The following PARD3 variants were observed in gnomAD, a reference collection of about 807,000 sequenced individuals.
The protein encoded by PARD3 is par-3 family cell polarity regulator.
Under a neutral mutation model 155.4 loss-of-function variants are expected in PARD3, and 75 were observed. That is an observed-to-expected ratio of 0.48 (90% CI 0.40 to 0.58). The LOEUF (loss-of-function observed/expected upper bound fraction) is 0.58. Among genes scored for constraint, PARD3 ranks in the 20% least tolerant of loss-of-function variants. The pLI, the probability that PARD3 is intolerant of heterozygous loss-of-function variation, is 0.00. For synonymous variants in PARD3, 576 were observed against 610.5 expected, an observed-to-expected ratio of 0.94 and a Z score of 0.83; for missense variants, 1,642 against 1,721.7, an observed-to-expected ratio of 0.95 and a Z score of 0.82.
chr10:34,646,702 G>C (rs1015545894), intron 2 of PARD3, among the ~76,000 whole-genome samples: 2 of 152,184 alleles, frequency 1.3e-5, no homozygotes, highest in African/African-American at 2.4e-5. Flanking sequence ...GTCTCGTTCT[G>C]TCGCCCAGGC....
Position 34,268,930 on chromosome 10 carries a change from A to C in PARD3, c.3419+727T>G, listed in dbSNP as rs1398334244. On this transcript the variant is annotated intron_variant, in intron 22 of 24. Transcript: ENST00000374788. ...TACCCTAGAACTTAAAGTATAATAA[A>C]AAATAAATAAATAAAATAAGATAAA... Among the ~76,000 whole-genome samples, 3 of 152,290 alleles carry C rather than the reference A, an allele frequency of 2.0e-5. No homozygotes were observed. The East Asian group carries it at 5.8e-4, about 29-fold the overall frequency.
rs559952400 is a variant in PARD3, at chr10:34,515,930, C to T, written c.403+1049G>A. Among the ~76,000 whole-genome samples the T allele has an allele frequency of 9.9e-5, 15 of 151,980 alleles. No homozygotes were observed. The East Asian group carries it at 2.9e-3, about 29-fold the overall frequency. The stretch of plus-strand genomic sequence containing the variant: ...ACCCAAATTTTCTACCTGAAAAAAA[C>T]TGAAGTGTTTCCAAATAGATGTACC... On this transcript the variant is annotated intron_variant, in intron 3 of 24. Transcript: ENST00000374788.
Position 34,546,240 on chromosome 10 carries a change from G to A in PARD3, c.223-29081C>T, listed in dbSNP as rs114715132. On this transcript the variant is annotated intron_variant, in intron 2 of 24. Coordinates refer to ENST00000374788, the MANE Select transcript of PARD3 (RefSeq NM_001184785.2). Reference sequence around the variant, plus strand: ...GTTAAAATGTGGCAAATTTTAGGCCGGGCACAGTGGCTCACACCTGTAATC... The same window carrying A: ...GTTAAAATGTGGCAAATTTTAGGCCAGGCACAGTGGCTCACACCTGTAATC... Among the ~76,000 whole-genome samples the A allele has an allele frequency of 3.3e-3, 499 of 151,906 alleles. 1 individual carries two copies. Among genetic ancestry groups the A allele is most frequent in the African/African-American group, 0.011 (472 of 41,438 alleles).
intron 21 of PARD3, among the ~76,000 whole-genome samples, chr10:34,273,255 C>CA (rs1032824397): frequency 7.5e-4 from 114 of 151,076 alleles, no homozygotes; most frequent in African/African-American, 6.8e-4. Flanking sequence ...TAGTTAAAAA[C>CA]AAAAAAAACA....
chr10:34,329,341 T>C (rs1159568484), intron 19 of PARD3, among the ~76,000 whole-genome samples: 2 of 152,274 alleles, frequency 1.3e-5, no homozygotes, highest in East Asian at 3.9e-4. Context: ...AGCATCATTA[T>C]AGATACTTAA....
chr10:34,217,172 G>T (rs980062291), intron 22 of PARD3, among the ~76,000 whole-genome samples: 1 of 151,886 alleles, frequency 6.6e-6, no homozygotes, highest in Admixed American at 6.6e-5. Context: ...TCAACATCTC[G>T]GTGGGAGGAT....
intron 4 of PARD3, among the ~76,000 whole-genome samples, chr10:34,456,647 A>T (rs1163948749): frequency 6.6e-6 from 1 of 152,210 alleles, no homozygotes; most frequent in Non-Finnish European, 1.5e-5. Context: ...TAAGTAAAAA[A>T]ATTTGAAAAT....
intron 2 of PARD3, among the ~76,000 whole-genome samples, chr10:34,606,348 G>A (rs1326070410): frequency 6.6e-5 from 10 of 151,812 alleles, no homozygotes; most frequent in African/African-American, 1.2e-4. Context: ...ACCCAGAGGA[G>A]GAGAAAGATG....
At chr10:34,277,857 T>G (rs1955963107) in intron 21 of PARD3, among the ~76,000 whole-genome samples, 1 of 152,184 alleles carries the variant, frequency 6.6e-6, no homozygotes, top group African/African-American at 2.4e-5. Flanking sequence ...TAAGCCTTTG[T>G]GCTTAGGGGG....
In PARD3 at chr10:34,211,511, A is replaced by G. The variant is rs149408190; in HGVS notation, c.3419+58146T>C. 3.3e-5 allele frequency among the ~76,000 whole-genome samples: 5 copies of G among 152,296 alleles called. No homozygotes were observed. The East Asian group carries it at 9.7e-4, about 30-fold the overall frequency. ...AGTTAGAAAATGGAGGCCGGGAGTG[A>G]TGTTTCACGCCTGTCATCCCAGAAC... On this transcript the variant is annotated intron_variant, in intron 22 of 24. Transcript: ENST00000374788.
At chr10:34,174,408 A>G (rs1550516) in intron 22 of PARD3, among the ~76,000 whole-genome samples, 30,189 of 152,192 alleles carry the variant, frequency 0.2, 3,870 homozygotes, top group Non-Finnish European at 0.26. Flanking sequence ...AAGGATCCCA[A>G]TGCAAGAGAT....
intron 2 of PARD3, among the ~76,000 whole-genome samples, chr10:34,601,433 C>A (rs1471415401): frequency 1.3e-5 from 2 of 152,100 alleles, no homozygotes; most frequent in Admixed American, 1.3e-4. Context: ...AAAGTGAGAA[C>A]CCGTCGTTCA....
At chr10:34,584,016 C>G (rs781106777) in intron 2 of PARD3, among the ~76,000 whole-genome samples, 13 of 152,106 alleles carry the variant, frequency 8.5e-5, no homozygotes, top group Non-Finnish European at 1.5e-4. Flanking sequence ...TAGAGCGTAA[C>G]AAATTTTTAG....
chr10:34,508,043 A>T (rs980130159), intron 3 of PARD3, among the ~76,000 whole-genome samples: 4 of 152,236 alleles, frequency 2.6e-5, no homozygotes, highest in Non-Finnish European at 5.9e-5. Flanking sequence ...CTAGAAAGAC[A>T]AAATCAATCT....
intron 20 of PARD3, among the ~76,000 whole-genome samples, chr10:34,285,958 A>C (rs1309169530): frequency 2.0e-5 from 3 of 152,212 alleles, no homozygotes; most frequent in Admixed American, 1.3e-4. Context: ...TGATCACTGC[A>C]GTTGCAAAAA....
chr10:34,615,737 G>C (rs997377136), intron 2 of PARD3, among the ~76,000 whole-genome samples: 1 of 151,970 alleles, frequency 6.6e-6, no homozygotes, highest in Non-Finnish European at 1.5e-5. Context: ...TATAAGAAAC[G>C]CAACAGACAA....
intron 22 of PARD3, among the ~76,000 whole-genome samples, chr10:34,217,032 C>T (rs1952034281): frequency 6.6e-6 from 1 of 152,214 alleles, no homozygotes; most frequent in Non-Finnish European, 1.5e-5. Flanking sequence ...GGTTATGAAA[C>T]CTCAAACGCT....
At position 34,720,448 on chromosome 10, in the gene PARD3, CAAAAAAAAAAAAAA is replaced by C. The variant is rs10603866; in HGVS notation, c.121-24043_121-24030del. On this transcript the variant is annotated intron_variant, in intron 1 of 24. Coordinates refer to ENST00000374788, the MANE Select transcript of PARD3 (RefSeq NM_001184785.2). ...CCTGGGCAACAGAGCAAGGCTCTGT[CAAAAAAAAAAAAAA>C]AAAAAAAAAAAAGCCTTGGAAATAA... Among the ~76,000 whole-genome samples the C allele has an allele frequency of 7.0e-5, 4 of 56,870 alleles. 1 individual carries two copies. The highest frequency in any genetic ancestry group is 2.7e-4 in the African/African-American group (4 of 14,678). The allele number at this position is 56,870 out of a possible 152,430, so 37.3% of individuals were successfully genotyped here.
intron 2 of PARD3, among the ~76,000 whole-genome samples, chr10:34,598,924 G>A (rs1256198621): frequency 6.6e-6 from 1 of 151,896 alleles, no homozygotes; most frequent in Non-Finnish European, 1.5e-5. Context: ...TACCCACCCT[G>A]CCCTTGATGG....
Sources: gnomAD v4.1 joint callset for allele counts (sites outside exome capture counted in the v4.1 genomes callset) on GRCh38, gnomAD v4.1.1 for gene constraint, MANE v1.5 for transcripts, NCBI Gene and HGNC (gene_info 2026-07-23, HGNC 2026-07-21) for gene names.